SRGAP1: variants seen among roughly 807,000 people sequenced by gnomAD.
SRGAP1 encodes the protein SLIT-ROBO Rho GTPase-activating protein 1.
A neutral mutation model predicts 121.9 loss-of-function variants in SRGAP1; 43 were observed. The observed-to-expected ratio is 0.35, with a 90% CI of 0.28 to 0.46. The LOEUF (loss-of-function observed/expected upper bound fraction) is 0.46, where lower values mean the gene tolerates loss of function less well. Among genes scored for constraint, SRGAP1 ranks in the 20% least tolerant of loss-of-function variants. The pLI is 1.00. For missense variants in SRGAP1, 1,102 were observed against 1,350.9 expected (o/e 0.82, Z 2.89); for synonymous variants, 447 against 485.4 (o/e 0.92, Z 1.04).
chr12:63,964,533 T>G (rs1348180424), intron 1 of SRGAP1, among the ~76,000 whole-genome samples: 3 of 152,136 alleles, frequency 2.0e-5, no homozygotes, highest in Non-Finnish European at 4.4e-5. Context: ...TCTAGTATTC[T>G]CAATTGACCC....
At chr12:63,907,385 A>C (rs2030264954) in intron 1 of SRGAP1, among the ~76,000 whole-genome samples, 2 of 152,170 alleles carry the variant, frequency 1.3e-5, no homozygotes, top group Middle Eastern at 3.4e-3. Context: ...AAAAATGTAA[A>C]AAATTAGCTG....
Position 64,153,919 on chromosome 12 carries a change from A to G in SRGAP1, c.*11247A>G, listed in dbSNP as rs1230662950. On this transcript the variant is annotated 3_prime_UTR_variant, in exon 22 of 22. Coordinates refer to ENST00000355086, the MANE Select transcript of SRGAP1 (RefSeq NM_020762.4). ...AACCCATGAATGGATGAATGGGTAAAGAAAATGTGCCATACACATAAAATA... is the reference window on the plus strand; with the variant it reads ...AACCCATGAATGGATGAATGGGTAAGGAAAATGTGCCATACACATAAAATA... 6.6e-6 allele frequency: 1 copy of G among 152,264 alleles called. No individual in the cohort carries two copies. Among genetic ancestry groups the G allele is most frequent in the African/African-American group, 2.4e-5 (1 of 41,470 alleles). 9.4% of individuals were successfully genotyped at this position (152,264 alleles called of 1,614,324 possible).
chr12:63,892,032 G>A (rs914118664), intron 1 of SRGAP1, among the ~76,000 whole-genome samples: 1 of 150,538 alleles, frequency 6.6e-6, no homozygotes, highest in African/African-American at 2.4e-5. Flanking sequence ...GATGAAGGTC[G>A]TAGAAAAAAT....
In SRGAP1 at chr12:64,065,229, C is replaced by A; in HGVS notation, c.1125+10C>A. 6.2e-7 allele frequency: 1 copy of A among 1,601,126 alleles called. No individual in the cohort carries two copies. The highest frequency in any genetic ancestry group is 8.5e-7 in the Non-Finnish European group (1 of 1,171,800). ...AATCGAGAATGAAGAGGTGAGCATG[C>A]GTTCGTCCTGCCACACCAGTAATCT... On this transcript the variant is annotated intron_variant, in intron 8 of 21. Coordinates refer to ENST00000355086, the MANE Select transcript of SRGAP1 (RefSeq NM_020762.4).
chr12:63,951,152 C>CT (rs58637983), intron 1 of SRGAP1, among the ~76,000 whole-genome samples: 10,023 of 44,198 alleles, frequency 0.23, 4,052 homozygotes, highest in Non-Finnish European at 0.3. Context: ...ATTTAGAACT[C>CT]TTTTTTTTTT....
intron 1 of SRGAP1, among the ~76,000 whole-genome samples, chr12:63,953,717 C>A (rs1248392207): frequency 6.6e-6 from 1 of 151,972 alleles, no homozygotes; most frequent in Non-Finnish European, 1.5e-5. Flanking sequence ...CCCATGATTC[C>A]ATCATCTGGA....
intron 1 of SRGAP1, among the ~76,000 whole-genome samples, chr12:63,912,201 A>G (rs1350448404): frequency 1.3e-5 from 2 of 152,154 alleles, no homozygotes; most frequent in Non-Finnish European, 1.5e-5. Flanking sequence ...ACTTGTATTA[A>G]CTCATTTAAT....
chr12:64,100,520 G>A (rs2036237083), intron 15 of SRGAP1, among the ~76,000 whole-genome samples: 1 of 152,114 alleles, frequency 6.6e-6, no homozygotes, highest in Non-Finnish European at 1.5e-5. Flanking sequence ...AAAATCAATG[G>A]ATTCATAATC....
In SRGAP1 at chr12:64,149,951, G is replaced by A. The variant is rs1417588939; in HGVS notation, c.*7279G>A. 3 of 152,218 alleles carry A rather than the reference G, an allele frequency of 2.0e-5. No individual in the cohort carries two copies. The highest frequency in any genetic ancestry group is 7.2e-5 in the African/African-American group (3 of 41,530). 9.4% of individuals were successfully genotyped at this position (152,218 alleles called of 1,614,324 possible). A position where few individuals can be genotyped will look rare whatever the true frequency, so the allele number is the denominator to read the frequency against. ...TAAGCAAATAAGTATTTAAACTTTA[G>A]TATAAATATTTTTGCTCACTTAATA... On this transcript the variant is annotated 3_prime_UTR_variant, in exon 22 of 22. Coordinates refer to ENST00000355086, the MANE Select transcript of SRGAP1 (RefSeq NM_020762.4).
At chr12:64,041,732 T>C (rs1435498220) in intron 4 of SRGAP1, among the ~76,000 whole-genome samples, 1 of 151,966 alleles carries the variant, frequency 6.6e-6, no homozygotes, top group Non-Finnish European at 1.5e-5. Context: ...GCCAGCCATA[T>C]ATGGCATTTT....
chr12:63,983,797 AATATATATATATATATATATATATATAT>A (rs71911661), intron 1 of SRGAP1, 122 bp from the exon 2 acceptor site: 1,168 of 64,902 alleles, frequency 0.018, 65 homozygotes, highest in East Asian at 0.039. Flanking sequence ...ATACATTTAA[AATATATATATATATATATATATATATAT>A]ATATATATAT....
intron 1 of SRGAP1, among the ~76,000 whole-genome samples, chr12:63,920,715 A>G (rs1488845048): frequency 6.6e-6 from 1 of 152,184 alleles, no homozygotes; most frequent in Non-Finnish European, 1.5e-5. Flanking sequence ...AGCTAGATTC[A>G]GGACATAGTT....
At chr12:64,077,005 A>G (rs1465634954) in intron 8 of SRGAP1, among the ~76,000 whole-genome samples, 3 of 152,218 alleles carry the variant, frequency 2.0e-5, no homozygotes, top group Non-Finnish European at 4.4e-5. Flanking sequence ...CAAACTTACT[A>G]AAACCTATGA....
At chr12:64,062,776 A>C (rs536088399) in intron 6 of SRGAP1, 141 bp from the exon 7 acceptor site, 6 of 609,106 alleles carry the variant, frequency 9.9e-6, no homozygotes, top group Non-Finnish European at 1.7e-5. Context: ...TGTCATATCC[A>C]AGAAACCAGT....
chr12:64,027,389 C>G (rs1425083307), intron 4 of SRGAP1, among the ~76,000 whole-genome samples: 2 of 151,820 alleles, frequency 1.3e-5, no homozygotes, highest in Non-Finnish European at 2.9e-5. Flanking sequence ...TTTGGAGATC[C>G]AAAGAGAGGG....
intron 3 of SRGAP1, among the ~76,000 whole-genome samples, chr12:63,996,223 A>G (rs767677307): frequency 3.3e-5 from 5 of 152,096 alleles, no homozygotes; most frequent in Admixed American, 6.6e-5. Context: ...TCTTTTCACT[A>G]TTTATATGTG....
intron 21 of SRGAP1, among the ~76,000 whole-genome samples, chr12:64,130,144 C>T (rs1459769077): frequency 6.6e-6 from 1 of 152,152 alleles, no homozygotes; most frequent in Non-Finnish European, 1.5e-5. Flanking sequence ...CCTAATGGAT[C>T]TCCTGTATTC....
At chr12:63,884,495 G>A (rs1900304874) in intron 1 of SRGAP1, among the ~76,000 whole-genome samples, 1 of 152,080 alleles carries the variant, frequency 6.6e-6, no homozygotes, top group African/African-American at 2.4e-5. Context: ...AGGGTAGTTA[G>A]TGCGCCCAGC....
Position 64,109,034 on chromosome 12 carries a change from A to G in SRGAP1, c.1916A>G (p.Asn639Ser), listed in dbSNP as rs116623960. The G allele has an allele frequency of 4.1e-5, 64 of 1,553,834 alleles. No individual in the cohort carries two copies. In the African/African-American group the frequency reaches 7.7e-4, roughly 19 times the overall value. The change falls in exon 16 of 22, where the codon AAT (asparagine) becomes AGT (serine). Residue 639 changes from asparagine (N) to serine (S), a missense_variant. Transcript: ENST00000355086. ...IVMRYLFAFL[N>S]HLSQYSDENM... ...ATGAGGTACCTCTTTGCCTTCCTCA[A>G]TCAGTAAGTACCTGAATGCTCTGAC... is the stretch of plus-strand genomic sequence containing the variant.
Sources: gnomAD v4.1 joint callset for allele counts (sites outside exome capture counted in the v4.1 genomes callset) on GRCh38, gnomAD v4.1.1 for gene constraint, MANE v1.5 for transcripts, NCBI Gene and HGNC (gene_info 2026-07-23, HGNC 2026-07-21) for gene names.